Variants in WWC1 observed in about 807,000 individuals in gnomAD.
WWC1 encodes protein KIBRA.
WWC1 carries 55 observed loss-of-function variants against 138.4 expected under a neutral mutation model. The observed-to-expected ratio is 0.40, with a 90% CI of 0.32 to 0.50. WWC1 has a LOEUF of 0.50. Among genes scored for constraint, WWC1 ranks in the 20% least tolerant of loss-of-function variants. The pLI is 0.72. For synonymous variants in WWC1, 524 were observed against 564.9 expected (o/e 0.93, Z 1.03); for missense variants, 1,226 against 1,420.4 (o/e 0.86, Z 2.20).
intron 20 of WWC1, among the ~76,000 whole-genome samples, chr5:168,462,706 G>A (rs1268385004): frequency 6.6e-6 from 1 of 152,190 alleles, no homozygotes. Context: ...CCGATGGTGG[G>A]TCTGAGCCCA....
chr5:168,296,939 G>C (rs1340403651), intron 1 of WWC1, among the ~76,000 whole-genome samples: 1 of 152,228 alleles, frequency 6.6e-6, no homozygotes, highest in Non-Finnish European at 1.5e-5. Flanking sequence ...TCACTTACCT[G>C]TGACCATTCT....
intron 17 of WWC1, among the ~76,000 whole-genome samples, chr5:168,448,565 G>A (rs1254572442): frequency 6.6e-6 from 1 of 151,432 alleles, no homozygotes; most frequent in African/African-American, 2.4e-5. Context: ...GGATCGCAGG[G>A]TGTGTGTTTT....
At chr5:168,422,675 A>G (rs1176747315) in intron 10 of WWC1, among the ~76,000 whole-genome samples, 2 of 152,198 alleles carry the variant, frequency 1.3e-5, no homozygotes, top group Non-Finnish European at 2.9e-5. Context: ...AACACAGAGA[A>G]TGTAGCCTCA....
At chr5:168,336,594 A>C (rs11960507) in intron 1 of WWC1, among the ~76,000 whole-genome samples, 12,291 of 147,296 alleles carry the variant, frequency 0.083, 581 homozygotes, top group South Asian at 0.14. Context: ...AAAAAAAAAA[A>C]ACAATACCTT....
In WWC1 at chr5:168,367,873, GAA is replaced by G. The variant is rs773566509; in HGVS notation, c.120-3549_120-3548del. Among the ~76,000 whole-genome samples, 24 of 151,972 alleles carry G rather than the reference GAA, an allele frequency of 1.6e-4. No homozygotes were observed. In the East Asian group the frequency reaches 4.3e-3, roughly 27 times the overall value. ...CAACAAATAAATTAATAAAAAAAAA[GAA>G]AGAGAAGAAATAAAATTACACTGAA... On this transcript the variant is annotated intron_variant, in intron 1 of 22. Transcript: ENST00000265293.
chr5:168,469,309 T>G lies in WWC1; in HGVS notation c.*292T>G, dbSNP rs1757564652. 4.9e-6 allele frequency: 2 copies of G among 407,962 alleles called. No individual in the cohort carries two copies. The highest frequency in any genetic ancestry group is 8.9e-6 in the Non-Finnish European group (2 of 224,538). 25.3% of individuals were successfully genotyped at this position (407,962 alleles called of 1,614,324 possible). On this transcript the variant is annotated 3_prime_UTR_variant, in exon 23 of 23. Transcript: ENST00000265293. ...GTATTTTTGGGAAAGAAAATTTAAA[T>G]GAACTAAAGCAGTATTGAGTTGCTG... is the stretch of plus-strand genomic sequence containing the variant.
At chr5:168,408,486 C>T in intron 6 of WWC1, 21 bp from the exon 7 acceptor site, 1 of 1,612,926 alleles carries the variant, frequency 6.2e-7, no homozygotes. Flanking sequence ...GCATCACTAA[C>T]CCTGCTCTCC....
At chr5:168,377,290 T>A (rs1377377989) in intron 2 of WWC1, among the ~76,000 whole-genome samples, 1 of 152,156 alleles carries the variant, frequency 6.6e-6, no homozygotes, top group Admixed American at 6.5e-5. Context: ...CAAAATGGAT[T>A]AAAGATTTAA....
At chr5:168,427,467 A>C (rs891713136) in intron 11 of WWC1, among the ~76,000 whole-genome samples, 1 of 151,720 alleles carries the variant, frequency 6.6e-6, no homozygotes, top group Non-Finnish European at 1.5e-5. Flanking sequence ...GAATCCAGGC[A>C]GTTCGACTCA....
rs1450437185 is a variant in WWC1 at position 168,470,451 on chromosome 5, G to A, written c.*1434G>A. 1.3e-5 allele frequency: 2 copies of A among 151,822 alleles called. No homozygotes were observed. Among genetic ancestry groups the A allele is most frequent in the Non-Finnish European group, 2.9e-5 (2 of 68,030 alleles). 9.4% of individuals were successfully genotyped at this position (151,822 alleles called of 1,614,324 possible). A position where few individuals can be genotyped will look rare whatever the true frequency, so the allele number is the denominator to read the frequency against. On this transcript the variant is annotated 3_prime_UTR_variant, in exon 23 of 23. Transcript: ENST00000265293. ...AGGCAGGAGAATGACCTGAACCTGG[G>A]AGGCAGAGCTTGCAGTGAGCTGAGA...
chr5:168,446,644 C>G (rs1413388732), intron 17 of WWC1, among the ~76,000 whole-genome samples: 1 of 152,188 alleles, frequency 6.6e-6, no homozygotes, highest in Non-Finnish European at 1.5e-5. Context: ...GAAGCCCACA[C>G]CTTGTGTCAC....
At chr5:168,338,225 C>T (rs904686728) in intron 1 of WWC1, among the ~76,000 whole-genome samples, 1 of 150,980 alleles carries the variant, frequency 6.6e-6, no homozygotes, top group Admixed American at 6.6e-5. Context: ...GCAGGAGAAT[C>T]ACTGGAAGCA....
At chr5:168,389,174 T>C (rs1225119452) in intron 3 of WWC1, among the ~76,000 whole-genome samples, 2 of 151,912 alleles carry the variant, frequency 1.3e-5, no homozygotes, top group South Asian at 2.1e-4. Flanking sequence ...GGAGGCCAGG[T>C]GTGGTGACTC....
rs761974803 is a variant in WWC1, at chr5:168,453,949, A to T, written c.2526-19A>T. The T allele has an allele frequency of 1.9e-6, 3 of 1,611,924 alleles. No homozygotes were observed. On this transcript the variant is annotated intron_variant, in intron 17 of 22. Transcript: ENST00000265293. ...AGAGCGGCTTCTGGGTGGGTAACCA[A>T]AGTGCTTTGTCATCACAGGAGGTAT...
At position 168,324,250 on chromosome 5, in the gene WWC1, A is replaced by G. The variant is rs540079161; in HGVS notation, c.119+31979A>G. On this transcript the variant is annotated intron_variant, in intron 1 of 22. Transcript: ENST00000265293. The stretch of plus-strand genomic sequence containing the variant: ...GGAGTTTGAGACCAGCCTGACCAAC[A>G]TGGGGAAACCCTGTCTCTACTAAAA... 6.6e-5 allele frequency among the ~76,000 whole-genome samples: 10 copies of G among 152,276 alleles called. No individual in the cohort carries two copies. In the East Asian group the frequency reaches 1.7e-3, roughly 26 times the overall value.
chr5:168,414,751 A>C, intron 9 of WWC1, 161 bp downstream of exon 9: 1 of 1,115,456 alleles, frequency 9.0e-7, no homozygotes, highest in Non-Finnish European at 1.2e-6. Context: ...GAAATCAGGA[A>C]AGATGGTTTG....
At chr5:168,437,374 C>G (rs1261200771) in intron 15 of WWC1, among the ~76,000 whole-genome samples, 1 of 152,186 alleles carries the variant, frequency 6.6e-6, no homozygotes, top group Non-Finnish European at 1.5e-5. Context: ...TCAAGATGCA[C>G]TATGTACTAG....
chr5:168,371,379 G>A, intron 1 of WWC1, 45 bp from the exon 2 acceptor site: 1 of 1,475,204 alleles, frequency 6.8e-7, no homozygotes, highest in East Asian at 2.3e-5. Flanking sequence ...GCAGGCATTT[G>A]GGGACTGTAG....
intron 15 of WWC1, among the ~76,000 whole-genome samples, chr5:168,439,315 G>A (rs1046588282): frequency 1.1e-4 from 17 of 152,034 alleles, no homozygotes; most frequent in African/African-American, 4.1e-4. Context: ...CCCTGTTGCT[G>A]GACCTTTGGG....
Sources: allele counts gnomAD v4.1 joint callset (sites outside exome capture counted in the v4.1 genomes callset), GRCh38; gene constraint gnomAD v4.1.1; transcripts MANE v1.5; gene names NCBI Gene and HGNC (gene_info 2026-07-23, HGNC 2026-07-21).